Variants in METTL14 observed in about 807,000 individuals in gnomAD.
METTL14 encodes methyltransferase 14, N6-adenosine-methyltransferase non-catalytic subunit.
A neutral mutation model predicts 62.4 loss-of-function variants in METTL14; 32 were observed. The ratio of observed to expected loss-of-function variants is 0.51; its 90% CI spans 0.39 to 0.69. The LOEUF (loss-of-function observed/expected upper bound fraction) is 0.69, where lower values mean the gene tolerates loss of function less well. Among genes scored for constraint, METTL14 ranks in the 30% least tolerant of loss-of-function variants. The probability of loss-of-function intolerance (pLI) is 0.00; values close to 1 mark genes in which losing one functional copy is unlikely to be tolerated. For synonymous variants in METTL14, 150 were observed against 180.0 expected, an observed-to-expected ratio of 0.83 and a Z score of 1.34; for missense variants, 340 against 551.9, an observed-to-expected ratio of 0.62 and a Z score of 3.85.
intron 10 of METTL14, among the ~76,000 whole-genome samples, chr4:118,707,486 A>G (rs997200602): frequency 5.3e-5 from 8 of 151,956 alleles, no homozygotes; most frequent in African/African-American, 1.7e-4. Flanking sequence ...CAACATGGTG[A>G]AACCCTGTCT....
Position 118,712,493 on chromosome 4 carries a change from G to A in METTL14, c.*2191G>A, listed in dbSNP as rs377240285. On this transcript the variant is annotated 3_prime_UTR_variant, in exon 11 of 11. Coordinates refer to ENST00000388822, the MANE Select transcript of METTL14 (RefSeq NM_020961.4). ...TAGCTGGGCGTGGTGGCATGTGCAC[G>A]CCTGTAATCCCCGCTACTCGGGAGG... 7 of 152,266 alleles carry A rather than the reference G, an allele frequency of 4.6e-5. No individual in the cohort carries two copies. Among genetic ancestry groups the A allele is most frequent in the African/African-American group, 1.7e-4 (7 of 41,532 alleles). 9.4% of individuals were successfully genotyped at this position (152,266 alleles called of 1,614,324 possible).
At position 118,710,238 on chromosome 4, in the gene METTL14, G is replaced by C. The variant is rs1400233466; in HGVS notation, c.1307G>C (p.Gly436Ala). The change falls in exon 11 of 11, where the codon GGA (glycine) becomes GCA (alanine). Residue 436 changes from glycine (G) to alanine (A), a missense_variant. Around this residue, in one of 7 missense-constraint regions of METTL14, gnomAD observed 44 missense variants for 56.4 expected, o/e 0.78. Transcript: ENST00000388822. ...GAAAGAAATAGATCTAACTTCCGAG[G>C]AGAAAGAGGTGGCTTTAGAGGGGGC... ...GRERNRSNFR[G>A]ERGGFRGGRG... is the part of the protein sequence containing the mutation. 1.2e-6 allele frequency: 2 copies of C among 1,614,068 alleles called. No homozygotes were observed. Among genetic ancestry groups the C allele is most frequent in the Non-Finnish European group, 1.7e-6 (2 of 1,180,050 alleles).
chr4:118,696,117 CAA>C (rs70941201), intron 6 of METTL14, among the ~76,000 whole-genome samples: 66 of 33,884 alleles, frequency 1.9e-3, no homozygotes, highest in African/African-American at 9.7e-3. Flanking sequence ...GACTCTGTCT[CAA>C]AAAAAAAAAA....
At chr4:118,687,179 G>A (rs1724092911) in intron 1 of METTL14, among the ~76,000 whole-genome samples, 1 of 152,060 alleles carries the variant, frequency 6.6e-6, no homozygotes, top group Non-Finnish European at 1.5e-5. Context: ...GAAATGCTTG[G>A]GCCAGAAGTG....
At chr4:118,701,659 G>A (rs371665591) in intron 8 of METTL14, among the ~76,000 whole-genome samples, 7 of 152,230 alleles carry the variant, frequency 4.6e-5, no homozygotes, top group African/African-American at 1.7e-4. Flanking sequence ...TCTCAATTTT[G>A]TCACATTTTA....
Position 118,697,113 on chromosome 4 carries a change from A to G in METTL14, c.504-69A>G. On this transcript the variant is annotated intron_variant, in intron 6 of 10. Transcript: ENST00000388822. ...ACATTTCTTTCATTACCATCTGTTA[A>G]GGTACTTGAAAATCTTATTTAAAAA... 2.6e-6 allele frequency: 3 copies of G among 1,155,570 alleles called. No homozygotes were observed. The South Asian group carries it at 4.7e-5, about 18-fold the overall frequency. The allele number at this position is 1,155,570 out of a possible 1,614,324, so 71.6% of individuals were successfully genotyped here. A position where few individuals can be genotyped will look rare whatever the true frequency, so the allele number is the denominator to read the frequency against.
chr4:118,692,228 T>TTC (rs1039996730), intron 5 of METTL14, among the ~76,000 whole-genome samples, 160 bp downstream of exon 5: 11 of 147,040 alleles, frequency 7.5e-5, no homozygotes, highest in African/African-American at 2.7e-4. Context: ...TTTCTTTTCT[T>TTC]TTTTTTTTTT....
Position 118,710,600 on chromosome 4 carries a change from AT to A in METTL14, c.*302del, listed in dbSNP as rs1405244305. On this transcript the variant is annotated 3_prime_UTR_variant, in exon 11 of 11. Coordinates refer to ENST00000388822, the MANE Select transcript of METTL14 (RefSeq NM_020961.4). Reference sequence around the variant, plus strand: ...GATAGACTTCAGCTAATTACAAAGGATTTTGCTAATTTTTGGGAATAAATAA... The same window carrying A: ...GATAGACTTCAGCTAATTACAAAGGATTTGCTAATTTTTGGGAATAAATAA... 1 of 238,694 alleles carries A rather than the reference AT, an allele frequency of 4.2e-6. No homozygotes were observed. The highest frequency in any genetic ancestry group is 2.3e-5 in the African/African-American group (1 of 44,144). 14.8% of individuals were successfully genotyped at this position (238,694 alleles called of 1,614,324 possible).
In METTL14 at chr4:118,714,813, C is replaced by G. The variant is rs1338871998; in HGVS notation, c.*4511C>G. On this transcript the variant is annotated 3_prime_UTR_variant, in exon 11 of 11. Transcript: ENST00000388822. ...TGTTGGCCAGGCTGGTCTCAAACTCCCGACCTCAACTGATCCACCCACCCT... is the reference window on the plus strand; with the variant it reads ...TGTTGGCCAGGCTGGTCTCAAACTCGCGACCTCAACTGATCCACCCACCCT... 1.3e-5 allele frequency: 2 copies of G among 152,276 alleles called. No homozygotes were observed. The highest frequency in any genetic ancestry group is 4.8e-5 in the African/African-American group (2 of 41,454). The allele number at this position is 152,276 out of a possible 1,614,324, so 9.4% of individuals were successfully genotyped here. A position where few individuals can be genotyped will look rare whatever the true frequency, so the allele number is the denominator to read the frequency against.
At chr4:118,694,130 T>C (rs1415125409) in intron 5 of METTL14, among the ~76,000 whole-genome samples, 2 of 151,418 alleles carry the variant, frequency 1.3e-5, no homozygotes, top group Non-Finnish European at 2.9e-5. Context: ...GTAGTTGTTT[T>C]TTTTTTTTTT....
chr4:118,702,977 A>ATTAT (rs1724647565), intron 8 of METTL14, among the ~76,000 whole-genome samples: 2 of 139,150 alleles, frequency 1.4e-5, no homozygotes, highest in African/African-American at 5.4e-5. Flanking sequence ...TATTATTATT[A>ATTAT]TACTTTAAGT....
chr4:118,692,978 A>T (rs1027315635), intron 5 of METTL14, among the ~76,000 whole-genome samples: 4 of 152,200 alleles, frequency 2.6e-5, no homozygotes, highest in African/African-American at 9.6e-5. Context: ...TTTAAGGGTC[A>T]TCGATGTTGA....
chr4:118,703,122 G>A (rs780291923), intron 8 of METTL14, among the ~76,000 whole-genome samples: 17 of 151,836 alleles, frequency 1.1e-4, no homozygotes, highest in Non-Finnish European at 2.2e-4. Flanking sequence ...CCCCCAACCT[G>A]CCTCTACTAT....
At chr4:118,706,604 G>C (rs934796315) in intron 10 of METTL14, among the ~76,000 whole-genome samples, 9 of 152,214 alleles carry the variant, frequency 5.9e-5, no homozygotes, top group African/African-American at 1.9e-4. Context: ...ATACCAAGGA[G>C]CACAAATGCT....
intron 8 of METTL14, among the ~76,000 whole-genome samples, chr4:118,701,984 T>G (rs1724606360): frequency 6.6e-6 from 1 of 152,210 alleles, no homozygotes; most frequent in African/African-American, 2.4e-5. Flanking sequence ...TTCAAGATGC[T>G]ATAGAAAAGT....
chr4:118,691,321 GTAAT>G (rs1485221826), intron 3 of METTL14, among the ~76,000 whole-genome samples: 1 of 152,198 alleles, frequency 6.6e-6, no homozygotes, highest in Middle Eastern at 3.4e-3. Flanking sequence ...AGTAGTTACA[GTAAT>G]TATTTATGAT....
At position 118,687,973 on chromosome 4, in the gene METTL14, T is replaced by C. The variant is rs1162079851; in HGVS notation, c.117T>C (p.Asp39=). The change falls in exon 2 of 11, where the codon GAT becomes GAC. Residue 39 remains aspartate, a synonymous_variant. Transcript: ENST00000388822. ...DSIGAVLNSK[D]EQREIAETRE... ...TTGGTGCCGTGTTAAATAGCAAAGATGAGCAGAGAGAAATTGCTGAAACAA... is the reference window on the plus strand; with the variant it reads ...TTGGTGCCGTGTTAAATAGCAAAGACGAGCAGAGAGAAATTGCTGAAACAA... 1 of 1,613,766 alleles carries C rather than the reference T, an allele frequency of 6.2e-7. No individual in the cohort carries two copies. Among genetic ancestry groups the C allele is most frequent in the Non-Finnish European group, 8.5e-7 (1 of 1,179,958 alleles).
intron 10 of METTL14, among the ~76,000 whole-genome samples, chr4:118,707,388 G>T (rs1420009773): frequency 6.6e-6 from 1 of 152,128 alleles, no homozygotes; most frequent in African/African-American, 2.4e-5. Context: ...TTATGGCCAG[G>T]CACTGTGACT....
chr4:118,714,819 T>G lies in METTL14; in HGVS notation c.*4517T>G, dbSNP rs1232487318. On this transcript the variant is annotated 3_prime_UTR_variant, in exon 11 of 11. Transcript: ENST00000388822. ...CCAGGCTGGTCTCAAACTCCCGACC[T>G]CAACTGATCCACCCACCCTGGCCTC... 1 of 152,248 alleles carries G rather than the reference T, an allele frequency of 6.6e-6. No individual in the cohort carries two copies. The highest frequency in any genetic ancestry group is 1.9e-4 in the East Asian group (1 of 5,188). The allele number at this position is 152,248 out of a possible 1,614,324, so 9.4% of individuals were successfully genotyped here.
Sources: allele counts gnomAD v4.1 joint callset (sites outside exome capture counted in the v4.1 genomes callset), GRCh38; gene constraint gnomAD v4.1.1; regional missense constraint gnomAD v4.1.1; transcripts MANE v1.5; gene names NCBI Gene and HGNC (gene_info 2026-07-23, HGNC 2026-07-21).